RBFOX2: variants seen among roughly 807,000 people sequenced by gnomAD.
RBFOX2 encodes the protein RNA binding fox-1 homolog 2, also known as RNA binding protein fox-1 homolog 2.
Under a neutral mutation model 49.1 loss-of-function variants are expected in RBFOX2, and 10 were observed. The ratio of observed to expected loss-of-function variants is 0.20; its 90% confidence interval spans 0.13 to 0.35. The LOEUF (loss-of-function observed/expected upper bound fraction) is 0.35. Among genes scored for constraint, RBFOX2 ranks in the 10% least tolerant of loss-of-function variants. The pLI is 1.00. For synonymous variants in RBFOX2, 183 were observed against 187.4 expected, an observed-to-expected ratio of 0.98 and a Z score of 0.19; for missense variants, 323 against 486.9, an observed-to-expected ratio of 0.66 and a Z score of 3.17.
rs34495987 is a variant in RBFOX2, at chr22:36,010,732, TACACACACACAC to T, written c.186+17496_186+17507del. Among the ~76,000 whole-genome samples the T allele has an allele frequency of 1.1e-3, 154 of 137,066 alleles. 1 individual carries two copies. The highest frequency in any genetic ancestry group is 2.9e-3 in the South Asian group (11 of 3,850). 89.9% of individuals were successfully genotyped at this position (137,066 alleles called of 152,430 possible). On this transcript the variant is annotated intron_variant, in intron 1 of 13. Coordinates refer to the RBFOX2 transcript ENST00000438146. Reference sequence around the variant, plus strand: ...GAATCAGAATCCAATTACTGTTCAGTACACACACACACACACACACACACACACACACACACA... The same window carrying T: ...GAATCAGAATCCAATTACTGTTCAGTACACACACACACACACACACACACA...
rs189763673 is a variant in RBFOX2 at position 35,909,626 on chromosome 22, C to T, written c.-34+29221G>A. On this transcript the variant is annotated intron_variant, in intron 1 of 13. Coordinates refer to the RBFOX2 transcript ENST00000359369. ...GTGCAATGTCTCCGAGCAATGTCTTCGAGAAATAAGGGTAACATGTGAGTC... is the reference window on the plus strand; with the variant it reads ...GTGCAATGTCTCCGAGCAATGTCTTTGAGAAATAAGGGTAACATGTGAGTC... Among the ~76,000 whole-genome samples the T allele has an allele frequency of 3.2e-3, 483 of 152,256 alleles. 2 individuals carry two copies. The highest frequency in any genetic ancestry group is 0.011 in the African/African-American group (466 of 41,566).
intron 1 of RBFOX2, chr22:35,898,031 C>T (rs2048082257): frequency 2.7e-6 from 2 of 727,374 alleles, no homozygotes; most frequent in Non-Finnish European, 5.1e-6. Flanking sequence ...TTTATGACCA[C>T]ATTGCTGTGT....
chr22:35,761,485 G>A lies in RBFOX2; in HGVS notation c.608-17C>T. ...ATTTCCAACCTGAAACACACAAAATGGAAGGTAAGCATTTAAGACTGTTTG... is the reference window on the plus strand; with the variant it reads ...ATTTCCAACCTGAAACACACAAAATAGAAGGTAAGCATTTAAGACTGTTTG... On this transcript the variant is annotated splice_polypyrimidine_tract_variant and intron_variant, in intron 6 of 11. Transcript: ENST00000405409. The A allele has an allele frequency of 6.2e-7, 1 of 1,613,626 alleles. No individual in the cohort carries two copies. Among genetic ancestry groups the A allele is most frequent in the Non-Finnish European group, 8.5e-7 (1 of 1,179,654 alleles).
At chr22:35,788,195 TA>T (rs1946822765) in intron 2 of RBFOX2, among the ~76,000 whole-genome samples, 1 of 152,230 alleles carries the variant, frequency 6.6e-6, no homozygotes, top group Non-Finnish European at 1.5e-5. Context: ...ATATTTTAAC[TA>T]TACATTGTCA....
At chr22:35,840,624 G>T (rs946130484), upstream of RBFOX2, 9 of 1,080,652 alleles carry the variant, frequency 8.3e-6, no homozygotes, top group Admixed American at 1.4e-4. Context: ...GCGTGTGTGC[G>T]TGTGTGCGTG....
intron 1 of RBFOX2, among the ~76,000 whole-genome samples, chr22:36,011,200 T>C (rs577730564): frequency 6.6e-6 from 1 of 152,084 alleles, no homozygotes. Context: ...GCCCCACCAG[T>C]GCAAAAAAGA....
chr22:35,950,560 G>A (rs1033669100), intron 1 of RBFOX2, among the ~76,000 whole-genome samples: 2 of 152,110 alleles, frequency 1.3e-5, no homozygotes, highest in Admixed American at 1.3e-4. Context: ...ACAACTCCTT[G>A]TGAAGAGCTT....
intron 1 of RBFOX2, among the ~76,000 whole-genome samples, chr22:35,905,519 C>T (rs1191081521): frequency 6.6e-6 from 1 of 152,136 alleles, no homozygotes; most frequent in Non-Finnish European, 1.5e-5. Context: ...ATGACTGAAT[C>T]TTAAATACCT....
chr22:35,833,444 T>C (rs968923319), intron 1 of RBFOX2, among the ~76,000 whole-genome samples: 7 of 152,230 alleles, frequency 4.6e-5, no homozygotes, highest in African/African-American at 7.2e-5. Flanking sequence ...ATTTATCTTA[T>C]GAGGTTCACA....
In RBFOX2 at chr22:35,832,850, AAAG is replaced by A. The variant is rs200071694; in HGVS notation, c.27+7339_27+7341del. 4.4e-3 allele frequency among the ~76,000 whole-genome samples: 668 copies of A among 152,264 alleles called. 7 individuals are homozygous for A. Among genetic ancestry groups the A allele is most frequent in the African/African-American group, 0.015 (629 of 41,554 alleles). Reference sequence around the variant, plus strand: ...CATAGTGAGATTCAGTCTCCAAAACAAAGAAGAAGAAGAAGTTCTAATATTCAA... The same window carrying A: ...CATAGTGAGATTCAGTCTCCAAAACAAAGAAGAAGAAGTTCTAATATTCAA... On this transcript the variant is annotated intron_variant, in intron 1 of 11. Transcript: ENST00000405409.
At chr22:35,872,720 T>C (rs905236913) in intron 1 of RBFOX2, among the ~76,000 whole-genome samples, 5 of 152,198 alleles carry the variant, frequency 3.3e-5, no homozygotes, top group African/African-American at 1.2e-4. Flanking sequence ...CCTCCCACCA[T>C]CCAGCTGCTT....
At chr22:35,938,398 T>C (rs1197498215) in intron 1 of RBFOX2, among the ~76,000 whole-genome samples, 2 of 152,178 alleles carry the variant, frequency 1.3e-5, no homozygotes. Flanking sequence ...TCAGGCAAGC[T>C]TTCCCTGATT....
chr22:35,959,930 T>C (rs1457577671), intron 1 of RBFOX2, among the ~76,000 whole-genome samples: 1 of 152,238 alleles, frequency 6.6e-6, no homozygotes, highest in Non-Finnish European at 1.5e-5. Flanking sequence ...TTTTAAATCA[T>C]CTCCAGATCA....
At chr22:35,942,199 T>G (rs1211394700), upstream of RBFOX2, among the ~76,000 whole-genome samples, 1 of 152,224 alleles carries the variant, frequency 6.6e-6, no homozygotes, top group South Asian at 2.1e-4. Context: ...CCATGCTGCC[T>G]ACGAACATTC....
At chr22:35,898,197 A>C in intron 1 of RBFOX2, 1 of 755,944 alleles carries the variant, frequency 1.3e-6, no homozygotes, top group Non-Finnish European at 2.4e-6. Flanking sequence ...GGTGGTTGAC[A>C]ACACATCGGC....
chr22:35,990,479 G>C (rs2057928212), intron 1 of RBFOX2, among the ~76,000 whole-genome samples: 1 of 152,222 alleles, frequency 6.6e-6, no homozygotes, highest in Non-Finnish European at 1.5e-5. Flanking sequence ...AAAAGAGGCA[G>C]TGGGGGTAAT....
intron 2 of RBFOX2, among the ~76,000 whole-genome samples, chr22:35,781,971 T>C (rs1177236755): frequency 6.6e-6 from 1 of 152,198 alleles, no homozygotes; most frequent in Non-Finnish European, 1.5e-5. Flanking sequence ...TTTGAGTATT[T>C]ATAGTATGCT....
At position 35,811,576 on chromosome 22, in the gene RBFOX2, C is replaced by G. The variant is rs563026297; in HGVS notation, c.28-1572G>C. ...TTGCTATATTGTTATGTAATACTTT[C>G]TTATGGCAGCCCTTGCAAACTGGTA... On this transcript the variant is annotated intron_variant, in intron 1 of 11. Transcript: ENST00000405409. 1.1e-4 allele frequency among the ~76,000 whole-genome samples: 17 copies of G among 152,244 alleles called. No homozygotes were observed. The South Asian group carries it at 2.3e-3, about 20-fold the overall frequency.
chr22:35,982,814 T>G (rs1478799957), intron 1 of RBFOX2, among the ~76,000 whole-genome samples: 1 of 151,290 alleles, frequency 6.6e-6, no homozygotes, highest in Non-Finnish European at 1.5e-5. Context: ...AAAAAACCAC[T>G]AATCCTATTT....
Sources: gnomAD v4.1 joint callset for allele counts (sites outside exome capture counted in the v4.1 genomes callset) on GRCh38, gnomAD v4.1.1 for gene constraint, MANE v1.5 for transcripts, NCBI Gene and HGNC (gene_info 2026-07-23, HGNC 2026-07-21) for gene names.